The following SSX2IP variants were observed in gnomAD, a reference collection of about 807,000 sequenced individuals.
SSX2IP encodes SSX family member 2 interacting protein.
A neutral mutation model predicts 84.9 loss-of-function variants in SSX2IP; 55 were observed. That is an observed-to-expected ratio of 0.65 (90% confidence interval 0.52 to 0.81). The LOEUF is 0.81. Ranked by LOEUF, SSX2IP falls within the 30% of genes least tolerant of loss-of-function variation. The pLI is 0.00. For synonymous variants in SSX2IP, 239 were observed against 234.7 expected (o/e 1.02, Z -0.17); for missense variants, 664 against 705.2 (o/e 0.94, Z 0.66).
intron 11 of SSX2IP, 98 bp downstream of exon 11, chr1:84,655,734 A>G (rs750363778): frequency 6.1e-5 from 88 of 1,449,682 alleles, no homozygotes; most frequent in Non-Finnish European, 8.1e-5. Context: ...ATTTTAGAAA[A>G]TAAGTAAATA....
intron 1 of SSX2IP, among the ~76,000 whole-genome samples, chr1:84,682,814 T>G (rs576031661): frequency 6.6e-6 from 1 of 152,292 alleles, no homozygotes; most frequent in African/African-American, 2.4e-5. Context: ...TCTTCACATT[T>G]TTATAACAAT....
Position 84,650,542 on chromosome 1 carries a change from G to A in SSX2IP, c.1505-15C>T, listed in dbSNP as rs1439896559. On this transcript the variant is annotated splice_polypyrimidine_tract_variant and intron_variant, in intron 12 of 13. Transcript: ENST00000342203. ...CCAATCAGAACCTGTTGTAAAACAAGTAAGAGAAAAAGGCAGTACATATGG... is the reference window on the plus strand; with the variant it reads ...CCAATCAGAACCTGTTGTAAAACAAATAAGAGAAAAAGGCAGTACATATGG... The A allele has an allele frequency of 6.2e-7, 1 of 1,613,802 alleles. No individual in the cohort carries two copies. Among genetic ancestry groups the A allele is most frequent in the South Asian group, 1.1e-5 (1 of 91,042 alleles).
rs1649568776 is a variant in SSX2IP, at chr1:84,647,343, T to A, written c.*90A>T. Reference sequence around the variant, plus strand: ...AACAACTCAGACCATCTTAAGTTATTAGAGATAACTGACTTTATGACACAC... The same window carrying A: ...AACAACTCAGACCATCTTAAGTTATAAGAGATAACTGACTTTATGACACAC... On this transcript the variant is annotated 3_prime_UTR_variant, in exon 14 of 14. Coordinates refer to ENST00000342203, the MANE Select transcript of SSX2IP (RefSeq NM_001166293.2). The A allele has an allele frequency of 1.7e-6, 2 of 1,145,242 alleles. No homozygotes were observed. The highest frequency in any genetic ancestry group is 5.2e-5 in the East Asian group (2 of 38,424). 70.9% of individuals were successfully genotyped at this position (1,145,242 alleles called of 1,614,324 possible). A position where few individuals can be genotyped will look rare whatever the true frequency, so the allele number is the denominator to read the frequency against.
At chr1:84,655,102 G>T (rs1650883264) in intron 11 of SSX2IP, among the ~76,000 whole-genome samples, 1 of 152,010 alleles carries the variant, frequency 6.6e-6, no homozygotes, top group Non-Finnish European at 1.5e-5. Flanking sequence ...GGTACAATAA[G>T]GACACAGAAT....
At chr1:84,650,279 C>G in intron 13 of SSX2IP, 83 bp downstream of exon 13, 1 of 1,376,212 alleles carries the variant, frequency 7.3e-7, no homozygotes. Context: ...GTTGCTAATA[C>G]TACAGACATG....
chr1:84,653,195 A>T (rs952620312), intron 11 of SSX2IP, among the ~76,000 whole-genome samples: 2 of 152,250 alleles, frequency 1.3e-5, no homozygotes, highest in Non-Finnish European at 2.9e-5. Context: ...GAATATTAGC[A>T]TAACTTTTGA....
At position 84,662,495 on chromosome 1, in the gene SSX2IP, C is replaced by T. The variant is rs778490837; in HGVS notation, c.709G>A (p.Gly237Arg). 1 of 1,613,928 alleles carries T rather than the reference C, an allele frequency of 6.2e-7. No homozygotes were observed. Among genetic ancestry groups the T allele is most frequent in the South Asian group, 1.1e-5 (1 of 91,052 alleles). The part of the protein sequence containing the change: ...DILNYVGRAD[G>R]KRGSWRTGKT... ...CCAGTCCTCCAGGAGCCTCTTTTTC[C>T]ATCAGCTCTCCCGACATAATTCAAA... The change falls in exon 7 of 14, where the codon GGA (glycine) becomes AGA (arginine). Residue 237 changes from glycine (G) to arginine (R), a missense_variant. Transcript: ENST00000342203.
chr1:84,669,325 G>A (rs1653203168), intron 4 of SSX2IP, among the ~76,000 whole-genome samples: 1 of 151,908 alleles, frequency 6.6e-6, no homozygotes, highest in Non-Finnish European at 1.5e-5. Context: ...ATTTTTCTTG[G>A]AATTAACCTG....
intron 8 of SSX2IP, among the ~76,000 whole-genome samples, chr1:84,661,288 G>C (rs1260052503): frequency 6.6e-6 from 1 of 151,882 alleles, no homozygotes; most frequent in Non-Finnish European, 1.5e-5. Flanking sequence ...ATGTGAACTT[G>C]CTGAAACCTA....
intron 11 of SSX2IP, chr1:84,655,522 C>T: frequency 7.5e-7 from 1 of 1,339,884 alleles, no homozygotes; most frequent in Non-Finnish European, 9.8e-7. Context: ...CACCTACTGA[C>T]CGTGGATGAA....
At chr1:84,686,711 C>A (rs1426454511) in intron 1 of SSX2IP, among the ~76,000 whole-genome samples, 2 of 152,150 alleles carry the variant, frequency 1.3e-5, no homozygotes, top group South Asian at 4.1e-4. Flanking sequence ...GAACGGACTT[C>A]AGGAAAGCCA....
In SSX2IP at chr1:84,665,887, C is replaced by T. The variant is rs542862183; in HGVS notation, c.537+235G>A. Among the ~76,000 whole-genome samples, 22 of 152,256 alleles carry T rather than the reference C, an allele frequency of 1.4e-4. No homozygotes were observed. The South Asian group carries it at 4.1e-3, about 29-fold the overall frequency. On this transcript the variant is annotated intron_variant, in intron 5 of 13. Transcript: ENST00000342203. ...GGGCAGTCCAGGACACTGGCTGTTA[C>T]CAGCTATGAACTAATATCTAAGCCA...
rs1331462792 is a variant in SSX2IP, at chr1:84,646,161, C to T, written c.*1272G>A. On this transcript the variant is annotated 3_prime_UTR_variant, in exon 14 of 14. Transcript: ENST00000342203. ...CTATGATACCTAGCAAGGGTTGGAT[C>T]TGTGCAGGCTTCTATGTACAGAGAC... 6.6e-6 allele frequency: 1 copy of T among 152,522 alleles called. No individual in the cohort carries two copies. Among genetic ancestry groups the T allele is most frequent in the Non-Finnish European group, 1.5e-5 (1 of 68,018 alleles). The allele number at this position is 152,522 out of a possible 1,614,324, so 9.4% of individuals were successfully genotyped here.
chr1:84,690,397 A>G lies in SSX2IP; in HGVS notation c.-116T>C, dbSNP rs1570773128. ...GTCACGGCCCCCGGGAGCGGCGGGGAGTCACCGCTCGGCGTCCTAGCCCGG... is the reference window on the plus strand; with the variant it reads ...GTCACGGCCCCCGGGAGCGGCGGGGGGTCACCGCTCGGCGTCCTAGCCCGG... On this transcript the variant is annotated 5_prime_UTR_variant, in exon 1 of 14. Coordinates refer to ENST00000342203, the MANE Select transcript of SSX2IP (RefSeq NM_001166293.2). The G allele has an allele frequency of 1.4e-5, 2 of 141,376 alleles. No homozygotes were observed. The highest frequency in any genetic ancestry group is 2.7e-5 in the African/African-American group (1 of 37,460). 8.8% of individuals were successfully genotyped at this position (141,376 alleles called of 1,614,324 possible). A position where few individuals can be genotyped will look rare whatever the true frequency, so the allele number is the denominator to read the frequency against.
intron 1 of SSX2IP, among the ~76,000 whole-genome samples, chr1:84,684,589 C>T (rs893463833): frequency 1.3e-5 from 2 of 152,146 alleles, no homozygotes; most frequent in African/African-American, 4.8e-5. Context: ...ACATACTCTA[C>T]AGCCCAGCAA....
chr1:84,688,170 T>C (rs1656052991), intron 1 of SSX2IP, among the ~76,000 whole-genome samples: 1 of 152,200 alleles, frequency 6.6e-6, no homozygotes, highest in Non-Finnish European at 1.5e-5. Context: ...TGGCCCACAA[T>C]CAAAAGGCAC....
chr1:84,676,798 A>G (rs940345556), intron 1 of SSX2IP, among the ~76,000 whole-genome samples: 5 of 136,758 alleles, frequency 3.7e-5, no homozygotes, highest in Admixed American at 8.8e-5. Flanking sequence ...TCTCAGCTCA[A>G]TGCTATCTCA....
rs753627849 is a variant in SSX2IP, at chr1:84,647,314, A to G, written c.*119T>C. 7 of 872,006 alleles carry G rather than the reference A, an allele frequency of 8.0e-6. No individual in the cohort carries two copies. The highest frequency in any genetic ancestry group is 1.0e-5 in the Non-Finnish European group (6 of 599,408). 54.0% of individuals were successfully genotyped at this position (872,006 alleles called of 1,614,324 possible). On this transcript the variant is annotated 3_prime_UTR_variant, in exon 14 of 14. Transcript: ENST00000342203. Reference sequence around the variant, plus strand: ...CTTTGGGGGAAGACAGGGAAGTCCAAACAAACAACTCAGACCATCTTAAGT... The same window carrying G: ...CTTTGGGGGAAGACAGGGAAGTCCAGACAAACAACTCAGACCATCTTAAGT...
rs937261459 is a variant in SSX2IP at position 84,646,429 on chromosome 1, T to C, written c.*1004A>G. ...ATTATCATATTTCTTCAGTGGTAAA[T>C]ACCTCATTAAAAAATTATTAAAAAA... On this transcript the variant is annotated 3_prime_UTR_variant, in exon 14 of 14. Coordinates refer to ENST00000342203, the MANE Select transcript of SSX2IP (RefSeq NM_001166293.2). 6.6e-6 allele frequency: 1 copy of C among 152,536 alleles called. No individual in the cohort carries two copies. The highest frequency in any genetic ancestry group is 2.4e-5 in the African/African-American group (1 of 41,430). 9.4% of individuals were successfully genotyped at this position (152,536 alleles called of 1,614,324 possible).
Sources: allele counts gnomAD v4.1 joint callset (sites outside exome capture counted in the v4.1 genomes callset), GRCh38; gene constraint gnomAD v4.1.1; transcripts MANE v1.5; gene names NCBI Gene and HGNC (gene_info 2026-07-23, HGNC 2026-07-21).